TUBD1: variants seen among roughly 807,000 people sequenced by gnomAD.
TUBD1 encodes the protein tubulin delta 1, also known as tubulin delta chain.
A neutral mutation model predicts 51.2 loss-of-function variants in TUBD1; 38 were observed. That is an observed-to-expected ratio of 0.74 (90% CI 0.57 to 0.97). The LOEUF is 0.97. Among genes scored for constraint, TUBD1 ranks in the 50% least tolerant of loss-of-function variants. The pLI is 0.00. For synonymous variants in TUBD1, 169 were observed against 178.2 expected (o/e 0.95, Z 0.41); for missense variants, 489 against 538.4 (o/e 0.91, Z 0.91).
At chr17:59,889,292 G>A (rs1000505879) in intron 2 of TUBD1, among the ~76,000 whole-genome samples, 1 of 151,322 alleles carries the variant, frequency 6.6e-6, no homozygotes. Context: ...GGGATTATAG[G>A]CGTGAGCCAC....
At position 59,892,810 on chromosome 17, in the gene TUBD1, A is replaced by C. The variant is rs2041186454; in HGVS notation, c.-153T>G. The C allele has an allele frequency of 5.2e-6, 1 of 193,510 alleles. No individual in the cohort carries two copies. The highest frequency in any genetic ancestry group is 2.3e-5 in the African/African-American group (1 of 43,226). The allele number at this position is 193,510 out of a possible 1,614,324, so 12.0% of individuals were successfully genotyped here. A position where few individuals can be genotyped will look rare whatever the true frequency, so the allele number is the denominator to read the frequency against. The stretch of plus-strand genomic sequence containing the variant: ...TACTGAGAACAAATGCGCATGTTCC[A>C]TAAACGGAGAGTTTTGTTGTGTATA... On this transcript the variant is annotated 5_prime_UTR_variant, in exon 1 of 9. It removes an upstream start codon present in the reference 5' UTR. Coordinates refer to ENST00000325752, the MANE Select transcript of TUBD1 (RefSeq NM_016261.4).
intron 2 of TUBD1, among the ~76,000 whole-genome samples, chr17:59,888,166 A>C (rs2040821035): frequency 6.6e-6 from 1 of 151,792 alleles, no homozygotes; most frequent in African/African-American, 2.4e-5. Context: ...CGATCTCCTG[A>C]CCTCATGATT....
chr17:59,874,473 T>C (rs1380831767), intron 6 of TUBD1, 66 bp downstream of exon 6: 2 of 1,521,508 alleles, frequency 1.3e-6, no homozygotes, highest in Non-Finnish European at 1.8e-6. Flanking sequence ...AGCCAGTTTA[T>C]ATTGAGACTC....
intron 3 of TUBD1, among the ~76,000 whole-genome samples, chr17:59,884,032 G>A (rs1023905235): frequency 1.3e-5 from 2 of 151,906 alleles, no homozygotes; most frequent in African/African-American, 2.4e-5. Context: ...AGGCGGAGGT[G>A]GGTGGATCAT....
intron 6 of TUBD1, among the ~76,000 whole-genome samples, chr17:59,872,360 G>GCTGAGATTACAGGTGTGAGCCATCA (rs2040020673): frequency 1.3e-5 from 2 of 152,086 alleles, no homozygotes; most frequent in Non-Finnish European, 2.9e-5. Context: ...CTCCCAAAGT[G>GCTGAGATTACAGGTGTGAGCCATCA]CTGAGATTAC....
rs1250953856 is a variant in TUBD1, at chr17:59,874,552, T to C, written c.921A>G (p.Ala307=). The change falls in exon 6 of 9, where the codon GCA becomes GCG. Residue 307 remains alanine, a synonymous_variant. Coordinates refer to ENST00000325752, the MANE Select transcript of TUBD1 (RefSeq NM_016261.4). ...ACTACTCTTTACCTTCTTCCATCTT[T>C]GCATTAGAAATGAGCATCTGTCTCA... ...KHLRQMLISN[A]KMEEGIDRHV... The C allele has an allele frequency of 6.2e-7, 1 of 1,610,926 alleles. No homozygotes were observed. The highest frequency in any genetic ancestry group is 8.5e-7 in the Non-Finnish European group (1 of 1,179,480).
At position 59,871,945 on chromosome 17, in the gene TUBD1, A is replaced by T. The variant is rs537395453; in HGVS notation, c.934+2594T>A. 1.3e-4 allele frequency among the ~76,000 whole-genome samples: 19 copies of T among 149,432 alleles called. No individual in the cohort carries two copies. The Middle Eastern group carries it at 0.021, about 162-fold the overall frequency. On this transcript the variant is annotated intron_variant, in intron 6 of 8. Coordinates refer to ENST00000325752, the MANE Select transcript of TUBD1 (RefSeq NM_016261.4). ...CAAGTAGCTAGGACTACAGGTGCAT[A>T]CCACTATGCCCAGCATTTTTTTTTT...
chr17:59,881,258 CA>C, intron 3 of TUBD1, 148 bp from the exon 4 acceptor site: 1 of 638,850 alleles, frequency 1.6e-6, no homozygotes, highest in East Asian at 2.7e-5. Context: ...CCCTGACTGA[CA>C]AAATTTTAAA....
intron 3 of TUBD1, 145 bp from the exon 4 acceptor site, chr17:59,881,255 T>G (rs958948524): frequency 3.1e-6 from 2 of 647,208 alleles, no homozygotes; most frequent in Admixed American, 2.9e-5. Context: ...GTACCCTGAC[T>G]GACAAAATTT....
chr17:59,870,372 CAAAAAAAAAAAAAA>C (rs530315478), intron 6 of TUBD1, among the ~76,000 whole-genome samples: 2 of 77,966 alleles, frequency 2.6e-5, no homozygotes, highest in Admixed American at 1.5e-4. Context: ...CTCCATCTCA[CAAAAAAAAAAAAAA>C]AAAAAAAAAA....
chr17:59,874,974 T>C (rs530115179), intron 5 of TUBD1, among the ~76,000 whole-genome samples: 1 of 151,804 alleles, frequency 6.6e-6, no homozygotes, highest in Non-Finnish European at 1.5e-5. Flanking sequence ...TAACTGGAAA[T>C]GTGAATGAAA....
At position 59,860,333 on chromosome 17, in the gene TUBD1, A is replaced by G; in HGVS notation, c.1351T>C (p.Cys451Arg). The change falls in exon 9 of 9, where the codon TGT (cysteine) becomes CGT (arginine). Residue 451 changes from cysteine (C) to arginine (R), a missense_variant. Transcript: ENST00000325752. ...TSLEQVVASY[C>R]NL Reference sequence around the variant, plus strand: ...CCCATTGTTCAAGATCAGAGATTACAGTAACTGGCAACAACCTGCTCTAAT... The same window carrying G: ...CCCATTGTTCAAGATCAGAGATTACGGTAACTGGCAACAACCTGCTCTAAT... 6.2e-7 allele frequency: 1 copy of G among 1,607,476 alleles called. No individual in the cohort carries two copies. Among genetic ancestry groups the G allele is most frequent in the Non-Finnish European group, 8.5e-7 (1 of 1,176,260 alleles).
chr17:59,892,834 T>C lies in TUBD1; in HGVS notation c.-177A>G, dbSNP rs776351859. The C allele has an allele frequency of 9.1e-5, 22 of 242,440 alleles. No homozygotes were observed. The highest frequency in any genetic ancestry group is 1.7e-4 in the East Asian group (2 of 11,596). 15.0% of individuals were successfully genotyped at this position (242,440 alleles called of 1,614,324 possible). On this transcript the variant is annotated 5_prime_UTR_variant, in exon 1 of 9. The change creates a new upstream start codon in the 5' untranslated region. Transcript: ENST00000325752. Reference sequence around the variant, plus strand: ...CATAAACGGAGAGTTTTGTTGTGTATATATTTTTTCCTATTCAGAAAGATT... The same window carrying C: ...CATAAACGGAGAGTTTTGTTGTGTACATATTTTTTCCTATTCAGAAAGATT...
At chr17:59,866,503 T>C (rs565631156) in intron 7 of TUBD1, 106 bp downstream of exon 7, 2 of 1,444,406 alleles carry the variant, frequency 1.4e-6, no homozygotes, top group South Asian at 1.4e-5. Flanking sequence ...CACACAGTTA[T>C]TACTTTCCTT....
intron 6 of TUBD1, among the ~76,000 whole-genome samples, chr17:59,867,215 A>G (rs1339596611): frequency 1.3e-5 from 2 of 151,970 alleles, no homozygotes. Flanking sequence ...GCTGGAGTGC[A>G]GTGGCTATTC....
intron 8 of TUBD1, among the ~76,000 whole-genome samples, chr17:59,860,965 A>T (rs2039416105): frequency 1.3e-5 from 2 of 151,966 alleles, no homozygotes; most frequent in African/African-American, 2.4e-5. Context: ...CCCGGGAAAG[A>T]GCAGCATGTT....
Position 59,863,854 on chromosome 17 carries a change from T to C in TUBD1, c.1076-7A>G. The C allele has an allele frequency of 6.7e-7, 1 of 1,488,412 alleles. No individual in the cohort carries two copies. The highest frequency in any genetic ancestry group is 8.9e-7 in the Non-Finnish European group (1 of 1,118,822). The allele number at this position is 1,488,412 out of a possible 1,614,324, so 92.2% of individuals were successfully genotyped here. A position where few individuals can be genotyped will look rare whatever the true frequency, so the allele number is the denominator to read the frequency against. On this transcript the variant is annotated splice_region_variant and splice_polypyrimidine_tract_variant and intron_variant, in intron 7 of 8. Transcript: ENST00000325752. ...GCTGGATCTTTAAATCCCTCTAGAG[T>C]AAAAACAAGATAAGCCGTCTTTTTA...
chr17:59,860,695 G>A (rs2039402646), intron 8 of TUBD1, among the ~76,000 whole-genome samples: 1 of 151,026 alleles, frequency 6.6e-6, no homozygotes, highest in Non-Finnish European at 1.5e-5. Context: ...CAAGCGATTC[G>A]ACTACCTCAG....
chr17:59,872,580 C>T (rs1270557534), intron 6 of TUBD1, among the ~76,000 whole-genome samples: 1 of 151,940 alleles, frequency 6.6e-6, no homozygotes. Context: ...GTAGTACAAA[C>T]ATTGAAAACT....
Sources: allele counts gnomAD v4.1 joint callset (sites outside exome capture counted in the v4.1 genomes callset), GRCh38; gene constraint gnomAD v4.1.1; transcripts MANE v1.5; gene names NCBI Gene and HGNC (gene_info 2026-07-23, HGNC 2026-07-21).